Variants in DPH6 observed in about 807,000 individuals in gnomAD.
The protein encoded by DPH6 is diphthamine biosynthesis 6.
A neutral mutation model predicts 38.2 loss-of-function variants in DPH6; 33 were observed. The observed-to-expected ratio is 0.86, with a 90% CI of 0.65 to 1.15. The LOEUF is 1.15. Among genes scored for constraint, DPH6 ranks in the 50% most tolerant of loss-of-function variants. DPH6 has a pLI of 0.00. For synonymous variants in DPH6, 108 were observed against 103.0 expected (o/e 1.05, Z -0.30); for missense variants, 325 against 320.0 (o/e 1.02, Z -0.12).
At chr15:35,432,967 A>C (rs2053650869) in intron 5 of DPH6, among the ~76,000 whole-genome samples, 1 of 152,176 alleles carries the variant, frequency 6.6e-6, no homozygotes, top group Non-Finnish European at 1.5e-5. Context: ...AACCCAAGTG[A>C]CATGAAATTT....
At chr15:35,280,514 G>A (rs1448016286) in intron 3 of DPH6, among the ~76,000 whole-genome samples, 1 of 152,110 alleles carries the variant, frequency 6.6e-6, no homozygotes, top group Non-Finnish European at 1.5e-5. Flanking sequence ...TGAGACAATA[G>A]CATAGAATTA....
At chr15:35,231,735 G>A (rs1426996030) in intron 3 of DPH6, among the ~76,000 whole-genome samples, 5 of 152,150 alleles carry the variant, frequency 3.3e-5, no homozygotes, top group South Asian at 4.1e-4. Flanking sequence ...TGCCAGCATC[G>A]GCTCGGCTTC....
chr15:35,470,321 G>T (rs777185396), intron 3 of DPH6, among the ~76,000 whole-genome samples: 1 of 152,030 alleles, frequency 6.6e-6, no homozygotes, highest in Non-Finnish European at 1.5e-5. Flanking sequence ...GTTTTAAAGC[G>T]CAGAGTCTAT....
intron 3 of DPH6, among the ~76,000 whole-genome samples, chr15:35,484,583 G>A (rs1274205868): frequency 3.9e-5 from 6 of 152,174 alleles, no homozygotes; most frequent in African/African-American, 1.2e-4. Context: ...CCCCTCCATC[G>A]GGAAGCTTAC....
intron 6 of DPH6, among the ~76,000 whole-genome samples, chr15:35,406,025 T>C (rs1266611801): frequency 6.6e-6 from 1 of 152,060 alleles, no homozygotes; most frequent in African/African-American, 2.4e-5. Flanking sequence ...ACGTATCGCA[T>C]GTTTTAATTT....
At chr15:35,255,158 A>G (rs916543334) in intron 3 of DPH6, among the ~76,000 whole-genome samples, 8 of 152,170 alleles carry the variant, frequency 5.3e-5, no homozygotes, top group Non-Finnish European at 1.2e-4. Context: ...GAAAACGGAG[A>G]ACTATGAAAC....
At chr15:35,370,744 A>C (rs1474903631), downstream of DPH6, 4 of 151,772 alleles carry the variant, frequency 2.6e-5, no homozygotes, top group African/African-American at 9.7e-5. Context: ...TGGGAATACA[A>C]AATAGTACAA....
intron 3 of DPH6, among the ~76,000 whole-genome samples, chr15:35,334,810 A>G (rs544718976): frequency 1.3e-5 from 2 of 152,176 alleles, no homozygotes; most frequent in African/African-American, 2.4e-5. Context: ...TCTTTCACTG[A>G]TGGGCATTTA....
At chr15:35,169,856 T>G in the DPH6 span, among the ~76,000 whole-genome samples, 2 of 152,206 alleles carry the variant, frequency 1.3e-5, no homozygotes, top group Non-Finnish European at 2.9e-5. Flanking sequence ...TATTAAAATC[T>G]GTATTTAAAC....
At chr15:35,233,118 G>A (rs946930295) in intron 3 of DPH6, among the ~76,000 whole-genome samples, 6 of 152,084 alleles carry the variant, frequency 3.9e-5, no homozygotes, top group Non-Finnish European at 8.8e-5. Context: ...GACCAGCCTG[G>A]CCAATGTGGT....
chr15:35,160,782 A>G, the DPH6 span, among the ~76,000 whole-genome samples: 1 of 151,936 alleles, frequency 6.6e-6, no homozygotes, highest in Non-Finnish European at 1.5e-5. Context: ...TGACCCATCA[A>G]TGGCATTTGA....
chr15:35,209,232 T>A, the DPH6 span, among the ~76,000 whole-genome samples: 1 of 152,160 alleles, frequency 6.6e-6, no homozygotes, highest in Non-Finnish European at 1.5e-5. Flanking sequence ...TATCTGCAAA[T>A]AATGATGGTA....
chr15:35,416,425 G>T (rs1394454846), intron 5 of DPH6, among the ~76,000 whole-genome samples: 1 of 151,934 alleles, frequency 6.6e-6, no homozygotes, highest in Non-Finnish European at 1.5e-5. Flanking sequence ...AATGATTTAG[G>T]TGTTCCTATA....
At chr15:35,439,912 GACTAAAGTTATTTTGCAA>G (rs1566910483) in intron 5 of DPH6, among the ~76,000 whole-genome samples, 1 of 152,148 alleles carries the variant, frequency 6.6e-6, no homozygotes, top group Admixed American at 6.5e-5. Context: ...CCAAGTATGA[GACTAAAGTTATTTTGCAA>G]ACAACTCAAT....
At chr15:35,529,574 T>C (rs1251249239) in intron 3 of DPH6, among the ~76,000 whole-genome samples, 2 of 152,188 alleles carry the variant, frequency 1.3e-5, no homozygotes, top group African/African-American at 4.8e-5. Context: ...TGAACTCCCA[T>C]AACCCTTTAG....
At chr15:35,340,941 A>G (rs909879790) in intron 3 of DPH6, among the ~76,000 whole-genome samples, 34 of 152,028 alleles carry the variant, frequency 2.2e-4, no homozygotes, top group Non-Finnish European at 2.6e-4. Context: ...TAGGTTGGGG[A>G]AGTTCTCCTG....
intron 5 of DPH6, among the ~76,000 whole-genome samples, chr15:35,431,174 TG>T (rs1437663088): frequency 3.9e-5 from 6 of 152,092 alleles, no homozygotes; most frequent in African/African-American, 1.4e-4. Flanking sequence ...ACGAAGGATA[TG>T]AAAAAAGCTT....
At chr15:35,201,125 G>T in the DPH6 span, among the ~76,000 whole-genome samples, 4 of 149,970 alleles carry the variant, frequency 2.7e-5, no homozygotes, top group African/African-American at 4.9e-5. Context: ...TCTATTTTAT[G>T]AGTATTTATA....
chr15:35,407,511 G>A (rs1490671308), intron 6 of DPH6, among the ~76,000 whole-genome samples: 1 of 152,008 alleles, frequency 6.6e-6, no homozygotes, highest in Non-Finnish European at 1.5e-5. Flanking sequence ...ATCTTGGCAA[G>A]ATTATTGGAG....
Sources: gnomAD v4.1 joint callset for allele counts (sites outside exome capture counted in the v4.1 genomes callset) on GRCh38, gnomAD v4.1.1 for gene constraint, MANE v1.5 for transcripts, NCBI Gene and HGNC (gene_info 2026-07-23, HGNC 2026-07-21) for gene names.